CCDC88A: variants seen among roughly 807,000 people sequenced by gnomAD.
CCDC88A encodes the protein girdin.
Under a neutral mutation model 234.3 loss-of-function variants are expected in CCDC88A, and 54 were observed. The observed-to-expected ratio is 0.23, with a 90% CI of 0.19 to 0.29. The LOEUF is 0.29. Ranked by LOEUF, CCDC88A falls within the 10% of genes least tolerant of loss-of-function variation. The pLI, the probability that CCDC88A is intolerant of heterozygous loss-of-function variation, is 1.00. For synonymous variants in CCDC88A, 753 were observed against 737.8 expected (o/e 1.02, Z -0.33); for missense variants, 1,832 against 2,123.4 (o/e 0.86, Z 2.70).
intron 23 of CCDC88A, among the ~76,000 whole-genome samples, chr2:55,310,520 G>C (rs1373292711): frequency 1.3e-5 from 2 of 152,086 alleles, no homozygotes; most frequent in South Asian, 2.1e-4. Flanking sequence ...AGTGGAGTTT[G>C]CAGTGAGCTG....
intron 16 of CCDC88A, chr2:55,329,877 G>C (rs765307977): frequency 6.6e-6 from 1 of 151,882 alleles, no homozygotes; most frequent in South Asian, 2.1e-4. Flanking sequence ...CTTGTTTCTC[G>C]GCCTCCTGAG....
At chr2:55,390,775 A>G (rs2104901249) in intron 2 of CCDC88A, among the ~76,000 whole-genome samples, 1 of 152,314 alleles carries the variant, frequency 6.6e-6, no homozygotes, top group South Asian at 2.1e-4. Context: ...CACATTCAGA[A>G]AAGAATACCA....
chr2:55,416,442 A>AC (rs60528417), intron 2 of CCDC88A, among the ~76,000 whole-genome samples: 1 of 14,558 alleles, frequency 6.9e-5, no homozygotes, highest in Non-Finnish European at 1.3e-4. Flanking sequence ...ATAAATAAAT[A>AC]AATATATATA....
At chr2:55,314,770 C>T (rs1682779566) in intron 22 of CCDC88A, 1 of 152,214 alleles carries the variant, frequency 6.6e-6, no homozygotes. Flanking sequence ...ATATGTTAAA[C>T]TAGCACCTGG....
chr2:55,319,642 T>C (rs1683380095), intron 18 of CCDC88A, among the ~76,000 whole-genome samples: 1 of 152,322 alleles, frequency 6.6e-6, no homozygotes, highest in African/African-American at 2.4e-5. Flanking sequence ...TCCTGGAGCA[T>C]TTCCAAACAA....
chr2:55,294,304 G>T, intron 31 of CCDC88A: 1 of 981,770 alleles, frequency 1.0e-6, no homozygotes, highest in Non-Finnish European at 1.2e-6. Flanking sequence ...GTATTTATCA[G>T]ATGATGAAAA....
At chr2:55,346,406 A>G (rs558467104) in intron 9 of CCDC88A, 73 bp from the exon 10 acceptor site, 1 of 838,384 alleles carries the variant, frequency 1.2e-6, no homozygotes, top group East Asian at 3.0e-5. Flanking sequence ...GCACAATTTG[A>G]AATTTTATTT....
intron 3 of CCDC88A, among the ~76,000 whole-genome samples, chr2:55,384,362 G>C (rs969575487): frequency 6.7e-6 from 1 of 149,644 alleles, no homozygotes. Flanking sequence ...ATATATTCAG[G>C]TGATAACAGT....
chr2:55,313,564 C>G (rs148705258), intron 22 of CCDC88A: 1 of 152,092 alleles, frequency 6.6e-6, no homozygotes, highest in Non-Finnish European at 1.5e-5. Flanking sequence ...GAGGTTCAAA[C>G]AGAAGTTAGC....
In CCDC88A at chr2:55,418,877, T is replaced by G. The variant is rs778105022; in HGVS notation, c.103A>C (p.Asn35His). The G allele has an allele frequency of 4.7e-5, 76 of 1,614,046 alleles. No individual in the cohort carries two copies. The Middle Eastern group carries it at 1.2e-3, about 24-fold the overall frequency. ...ACCAAAGCCACATATTCATCAAGGT[T>G]GGTCCCATTTCCTGCGGCCAGAGGT... The part of the protein sequence containing the change: ...FGPLAAGNGT[N>H]LDEYVALVDG... Residue 35 changes from asparagine (N) to histidine (H), a missense_variant, in exon 2 of 33, where the codon AAC becomes CAC. This residue lies in a region of CCDC88A where 36 missense variants were observed against 44.0 expected (regional missense o/e 0.82). Transcript: ENST00000436346.
At chr2:55,391,633 T>G (rs1400810515) in intron 2 of CCDC88A, among the ~76,000 whole-genome samples, 1 of 152,034 alleles carries the variant, frequency 6.6e-6, no homozygotes, top group Non-Finnish European at 1.5e-5. Flanking sequence ...AAATGAAAAA[T>G]TCACCGCAGG....
chr2:55,301,019 G>A, intron 28 of CCDC88A, 187 bp downstream of exon 28: 1 of 529,504 alleles, frequency 1.9e-6, no homozygotes, highest in South Asian at 2.6e-5. Flanking sequence ...ACATTTAGAT[G>A]AAGCAATTAT....
At chr2:55,379,059 T>C (rs980396717) in intron 3 of CCDC88A, among the ~76,000 whole-genome samples, 7 of 152,144 alleles carry the variant, frequency 4.6e-5, no homozygotes, top group African/African-American at 1.7e-4. Flanking sequence ...ATTCTAGCTA[T>C]ATTTTTGTAA....
At position 55,349,530 on chromosome 2, in the gene CCDC88A, C is replaced by G. The variant is rs146018211; in HGVS notation, c.870G>C (p.Arg290Ser). 2.6e-5 allele frequency: 42 copies of G among 1,610,802 alleles called. No individual in the cohort carries two copies. Among genetic ancestry groups the G allele is most frequent in the Non-Finnish European group, 3.3e-5 (39 of 1,178,164 alleles). The change falls in exon 9 of 33, where the codon AGG becomes AGC. Residue 290 changes from arginine (R) to serine (S), a missense_variant. Transcript: ENST00000436346. Reference sequence around the variant, plus strand: ...TCCAGGTACAAACCTCTTGTTGCAGCCTTTTGAGTTCTATTTCCATTTGCT... The same window carrying G: ...TCCAGGTACAAACCTCTTGTTGCAGGCTTTTGAGTTCTATTTCCATTTGCT... The part of the protein sequence containing the change: ...ELEQMEIELK[R>S]LQQENMNLLS...
chr2:55,322,788 C>T lies in CCDC88A; in HGVS notation c.2998-96G>A, dbSNP rs184703083. The T allele has an allele frequency of 7.2e-5, 39 of 540,002 alleles. No individual in the cohort carries two copies. The Admixed American group carries it at 1.3e-3, about 17-fold the overall frequency. 33.5% of individuals were successfully genotyped at this position (540,002 alleles called of 1,614,324 possible). A position where few individuals can be genotyped will look rare whatever the true frequency, so the allele number is the denominator to read the frequency against. On this transcript the variant is annotated intron_variant, in intron 17 of 32. Transcript: ENST00000436346. ...TGACTCTGGGCTGATCTGGTGAATA[C>T]GAAAGGCAATTTACTTTTAAATGTG... is the stretch of plus-strand genomic sequence containing the variant.
chr2:55,338,287 A>G (rs1160609529), intron 13 of CCDC88A, among the ~76,000 whole-genome samples: 2 of 152,214 alleles, frequency 1.3e-5, no homozygotes, highest in Admixed American at 1.3e-4. Flanking sequence ...GACTGAAGAC[A>G]ATGTAAAAAC....
intron 31 of CCDC88A, chr2:55,293,771 G>A (rs1365764222): frequency 6.6e-6 from 1 of 152,158 alleles, no homozygotes; most frequent in African/African-American, 2.4e-5. Flanking sequence ...TTCTCTGGAA[G>A]TAAATGGATC....
rs148443865 is a variant in CCDC88A at position 55,351,963 on chromosome 2, C to T, written c.801-2364G>A. ...AAACGTTATGCTAAATAAATGAAGC[C>T]AGTCACAAAAGGCACGTATTGTATG... On this transcript the variant is annotated intron_variant, in intron 8 of 32. Transcript: ENST00000436346. 3.3e-3 allele frequency among the ~76,000 whole-genome samples: 509 copies of T among 152,140 alleles called. 3 individuals carry two copies. Among genetic ancestry groups the T allele is most frequent in the African/African-American group, 0.01 (431 of 41,512 alleles).
chr2:55,390,024 G>A (rs1676351491), intron 2 of CCDC88A, among the ~76,000 whole-genome samples: 1 of 50,148 alleles, frequency 2.0e-5, no homozygotes, highest in African/African-American at 7.1e-5. Context: ...CTGGGCTACA[G>A]AGCGAGACTC....
Sources: gnomAD v4.1 joint callset for allele counts (sites outside exome capture counted in the v4.1 genomes callset) on GRCh38, gnomAD v4.1.1 for gene constraint, gnomAD v4.1.1 regional missense constraint, MANE v1.5 for transcripts, NCBI Gene and HGNC (gene_info 2026-07-23, HGNC 2026-07-21) for gene names.